Variants in ITGA9 observed in about 807,000 individuals in gnomAD.
ITGA9 encodes the protein integrin alpha-9.
A neutral mutation model predicts 127.8 loss-of-function variants in ITGA9; 56 were observed. The ratio of observed to expected loss-of-function variants is 0.44; its 90% CI spans 0.35 to 0.55. The LOEUF (loss-of-function observed/expected upper bound fraction) is 0.55. Among genes scored for constraint, ITGA9 ranks in the 20% least tolerant of loss-of-function variants. ITGA9 has a pLI of 0.00. For synonymous variants in ITGA9, 508 were observed against 514.5 expected (o/e 0.99, Z 0.17); for missense variants, 1,196 against 1,347.1 (o/e 0.89, Z 1.76).
At chr3:37,574,511 C>T (rs1699633905) in intron 15 of ITGA9, among the ~76,000 whole-genome samples, 1 of 152,206 alleles carries the variant, frequency 6.6e-6, no homozygotes, top group Admixed American at 6.5e-5. Context: ...AGGATTGTTA[C>T]ATTAAGATCC....
chr3:37,740,582 A>G (rs1023754968), intron 20 of ITGA9, among the ~76,000 whole-genome samples: 1 of 151,966 alleles, frequency 6.6e-6, no homozygotes, highest in African/African-American at 2.4e-5. Flanking sequence ...GCTGGTTGGA[A>G]TCTCAGCTCT....
chr3:37,523,428 A>G (rs781220895), intron 11 of ITGA9, 93 bp from the exon 12 acceptor site: 24 of 980,536 alleles, frequency 2.4e-5, no homozygotes, highest in Admixed American at 6.9e-5. Flanking sequence ...TTTAAGACCA[A>G]GTGTCCTAGG....
chr3:37,770,057 A>G (rs975843659), intron 23 of ITGA9, among the ~76,000 whole-genome samples: 1 of 152,100 alleles, frequency 6.6e-6, no homozygotes, highest in Admixed American at 6.5e-5. Flanking sequence ...AAAGGGGTGG[A>G]ATTTAAGGAG....
At chr3:37,761,972 C>CT (rs1034264462) in intron 23 of ITGA9, among the ~76,000 whole-genome samples, 1 of 152,240 alleles carries the variant, frequency 6.6e-6, no homozygotes, top group Non-Finnish European at 1.5e-5. Flanking sequence ...TAATCCACTC[C>CT]TTTTTTAGCA....
intron 18 of ITGA9, 120 bp from the exon 19 acceptor site, chr3:37,732,592 C>T (rs1002278613): frequency 2.6e-6 from 2 of 766,434 alleles, no homozygotes; most frequent in African/African-American, 1.7e-5. Flanking sequence ...CAGGGCATCT[C>T]GTCCCACTGG....
At chr3:37,612,704 A>G (rs571344385) in intron 15 of ITGA9, among the ~76,000 whole-genome samples, 4 of 152,348 alleles carry the variant, frequency 2.6e-5, no homozygotes, top group African/African-American at 9.6e-5. Context: ...AACAAGCCAA[A>G]AGAAGTTGAC....
intron 15 of ITGA9, among the ~76,000 whole-genome samples, chr3:37,546,319 C>T (rs1048636482): frequency 5.3e-5 from 8 of 152,122 alleles, no homozygotes; most frequent in Non-Finnish European, 2.9e-5. Context: ...ATACTAGCAC[C>T]GCGCTGGAAC....
At chr3:37,581,147 A>C (rs1004202995) in intron 15 of ITGA9, among the ~76,000 whole-genome samples, 15 of 152,290 alleles carry the variant, frequency 9.8e-5, no homozygotes, top group African/African-American at 3.6e-4. Flanking sequence ...TCAAAAAATC[A>C]CTGTGGGCCT....
intron 15 of ITGA9, among the ~76,000 whole-genome samples, chr3:37,620,380 G>A (rs566835008): frequency 2.6e-5 from 4 of 152,194 alleles, no homozygotes; most frequent in South Asian, 2.1e-4. Flanking sequence ...CCCCTCCCCC[G>A]TGATCTTGCC....
intron 1 of ITGA9, among the ~76,000 whole-genome samples, chr3:37,464,610 G>A (rs192554907): frequency 3.9e-5 from 6 of 152,346 alleles, no homozygotes; most frequent in South Asian, 2.1e-4. Flanking sequence ...CTTGTCAGCA[G>A]TAGAGGCAGG....
At chr3:37,788,598 C>T (rs776452846) in intron 26 of ITGA9, among the ~76,000 whole-genome samples, 4 of 152,084 alleles carry the variant, frequency 2.6e-5, no homozygotes, top group Non-Finnish European at 5.9e-5. Context: ...ATATATTAGG[C>T]AGAGCTAAAC....
chr3:37,534,346 A>G (rs1034320510), intron 14 of ITGA9, among the ~76,000 whole-genome samples: 2 of 152,242 alleles, frequency 1.3e-5, no homozygotes, highest in African/African-American at 4.8e-5. Flanking sequence ...CTGGCCTAGC[A>G]TTGTCAGCAT....
intron 15 of ITGA9, among the ~76,000 whole-genome samples, chr3:37,622,495 A>G (rs1467734732): frequency 3.3e-5 from 5 of 152,074 alleles, no homozygotes; most frequent in Non-Finnish European, 5.9e-5. Flanking sequence ...ATAAGGATTT[A>G]TTTCATAATA....
intron 10 of ITGA9, among the ~76,000 whole-genome samples, chr3:37,518,093 C>CGCGCGTGTGT (rs368577036): frequency 6.9e-6 from 1 of 144,106 alleles, no homozygotes; most frequent in South Asian, 2.3e-4. Context: ...AGAGTGTACG[C>CGCGCGTGTGT]GTGTGTGTGT....
intron 17 of ITGA9, among the ~76,000 whole-genome samples, chr3:37,658,338 C>G (rs548957570): frequency 2.0e-5 from 3 of 152,302 alleles, no homozygotes; most frequent in African/African-American, 7.2e-5. Context: ...TTGTAGGTCT[C>G]TAAGAACTTG....
rs1204962093 is a variant in ITGA9 at position 37,533,306 on chromosome 3, C to T, written c.1374-8C>T. On this transcript the variant is annotated splice_polypyrimidine_tract_variant and splice_region_variant and intron_variant, in intron 13 of 27. Transcript: ENST00000264741. ...ACGACTAAGTCACCTTCCTCTCTTGCCCTGCAGAGCAAGGCCTGTCATTAC... is the reference window on the plus strand; with the variant it reads ...ACGACTAAGTCACCTTCCTCTCTTGTCCTGCAGAGCAAGGCCTGTCATTAC... 1 of 1,613,948 alleles carries T rather than the reference C, an allele frequency of 6.2e-7. No homozygotes were observed. The highest frequency in any genetic ancestry group is 1.1e-5 in the South Asian group (1 of 91,074).
chr3:37,543,019 A>G (rs1443548883), intron 15 of ITGA9, among the ~76,000 whole-genome samples: 5 of 150,934 alleles, frequency 3.3e-5, no homozygotes, highest in Non-Finnish European at 7.4e-5. Flanking sequence ...GCATTTTAAA[A>G]CTGGTTGGAC....
At chr3:37,755,176 A>G (rs1696635459) in intron 23 of ITGA9, among the ~76,000 whole-genome samples, 1 of 152,172 alleles carries the variant, frequency 6.6e-6, no homozygotes, top group Non-Finnish European at 1.5e-5. Context: ...CAGCATCCCA[A>G]GTTGAGGAAC....
chr3:37,716,619 C>T (rs138508790), intron 18 of ITGA9, among the ~76,000 whole-genome samples: 9 of 148,478 alleles, frequency 6.1e-5, no homozygotes, highest in Admixed American at 1.4e-4. Flanking sequence ...AACAAGCATA[C>T]TAGATCTTAA....
Sources: gnomAD v4.1 joint callset for allele counts (sites outside exome capture counted in the v4.1 genomes callset) on GRCh38, gnomAD v4.1.1 for gene constraint, MANE v1.5 for transcripts, NCBI Gene and HGNC (gene_info 2026-07-23, HGNC 2026-07-21) for gene names.